PTPRK: variants seen among roughly 807,000 people sequenced by gnomAD.
The protein encoded by PTPRK is receptor-type tyrosine-protein phosphatase kappa.
A neutral mutation model predicts 178.0 loss-of-function variants in PTPRK; 75 were observed. The ratio of observed to expected loss-of-function variants is 0.42; its 90% CI spans 0.35 to 0.51. PTPRK has a LOEUF of 0.51. Ranked by LOEUF, PTPRK falls within the 20% of genes least tolerant of loss-of-function variation. The pLI, the probability that PTPRK is intolerant of heterozygous loss-of-function variation, is 0.02. For synonymous variants in PTPRK, 637 were observed against 620.6 expected (o/e 1.03, Z -0.39); for missense variants, 1,441 against 1,797.8 (o/e 0.80, Z 3.59).
rs143993983 is a variant in PTPRK at position 128,511,286 on chromosome 6, C to T, written c.100+8973G>A. Among the ~76,000 whole-genome samples the T allele has an allele frequency of 5.6e-3, 849 of 152,308 alleles. 7 individuals carry two copies. The highest frequency in any genetic ancestry group is 0.019 in the African/African-American group (808 of 41,560). ...ACAGAGAACAATCTGATCCTACTGT[C>T]TCTTCCCCATCATCTCCCATCTTCT... On this transcript the variant is annotated intron_variant, in intron 1 of 29. Coordinates refer to ENST00000368226, the MANE Select transcript of PTPRK (RefSeq NM_002844.4).
chr6:128,318,840 C>A (rs1460279727), intron 3 of PTPRK, among the ~76,000 whole-genome samples: 2 of 152,120 alleles, frequency 1.3e-5, no homozygotes, highest in African/African-American at 4.8e-5. Context: ...TAAGGATTTG[C>A]GGGATTTTCC....
chr6:128,469,302 C>A (rs1397444245), intron 1 of PTPRK, among the ~76,000 whole-genome samples: 2 of 152,138 alleles, frequency 1.3e-5, no homozygotes, highest in Non-Finnish European at 2.9e-5. Flanking sequence ...AAAGAATGCA[C>A]ACAAAGAGAG....
intron 1 of PTPRK, among the ~76,000 whole-genome samples, chr6:128,440,409 T>C (rs1846130209): frequency 2.6e-5 from 4 of 152,180 alleles, no homozygotes; most frequent in Admixed American, 2.6e-4. Flanking sequence ...TTCAGATGAG[T>C]GTTAGAAAGG....
intron 3 of PTPRK, among the ~76,000 whole-genome samples, chr6:128,297,005 G>A (rs1240856576): frequency 1.3e-5 from 2 of 151,384 alleles, no homozygotes; most frequent in Non-Finnish European, 2.9e-5. Flanking sequence ...ACACACATAG[G>A]CTCAAAATAA....
At chr6:128,132,203 G>A (rs543364331) in intron 7 of PTPRK, among the ~76,000 whole-genome samples, 79 of 152,182 alleles carry the variant, frequency 5.2e-4, no homozygotes, top group African/African-American at 1.8e-3. Context: ...TTGAGATGGA[G>A]TCTCACTGTC....
At chr6:128,103,732 C>A (rs1018448847) in intron 7 of PTPRK, among the ~76,000 whole-genome samples, 1 of 152,150 alleles carries the variant, frequency 6.6e-6, no homozygotes, top group Non-Finnish European at 1.5e-5. Flanking sequence ...TCCACCAATG[C>A]TATTTATTTC....
At position 128,498,290 on chromosome 6, in the gene PTPRK, G is replaced by A. The variant is rs567081738; in HGVS notation, c.100+21969C>T. 2.0e-5 allele frequency among the ~76,000 whole-genome samples: 3 copies of A among 152,280 alleles called. No individual in the cohort carries two copies. The South Asian group carries it at 6.2e-4, about 32-fold the overall frequency. ...AGGGGACTTTTCAGGCTTGCCCCTT[G>A]TTGATGCAGCCCAGAGAATCTACAT... On this transcript the variant is annotated intron_variant, in intron 1 of 29. Transcript: ENST00000368226.
At chr6:128,296,998 C>T (rs1469003438) in intron 3 of PTPRK, among the ~76,000 whole-genome samples, 5 of 151,628 alleles carry the variant, frequency 3.3e-5, no homozygotes, top group Admixed American at 1.3e-4. Flanking sequence ...TGCAGAGACA[C>T]ACATAGGCTC....
intron 2 of PTPRK, among the ~76,000 whole-genome samples, chr6:128,376,603 T>G (rs976722271): frequency 9.2e-5 from 14 of 152,252 alleles, no homozygotes; most frequent in Non-Finnish European, 1.6e-4. Flanking sequence ...CCTCATTACT[T>G]ATGCAAATTT....
At chr6:127,987,680 A>G (rs919005252) in intron 21 of PTPRK, among the ~76,000 whole-genome samples, 1 of 152,114 alleles carries the variant, frequency 6.6e-6, no homozygotes, top group Non-Finnish European at 1.5e-5. Context: ...GTAGTTACAC[A>G]GTTTATTCCT....
chr6:128,354,601 C>CT (rs1370596800), intron 2 of PTPRK, among the ~76,000 whole-genome samples: 2 of 152,050 alleles, frequency 1.3e-5, no homozygotes, highest in Non-Finnish European at 2.9e-5. Context: ...TTATTCATGT[C>CT]TTTTTTACCA....
In PTPRK at chr6:128,082,409, C is replaced by G. The variant is rs368471427; in HGVS notation, c.1777+28G>C. The G allele has an allele frequency of 7.2e-5, 112 of 1,554,186 alleles. 4 individuals carry two copies. The highest frequency in any genetic ancestry group is 5.2e-4 in the East Asian group (23 of 44,574). On this transcript the variant is annotated intron_variant, in intron 10 of 29. Transcript: ENST00000368226. ...ATTACAAACCAATGGCATAATCAAT[C>G]CTATTTGTAATTTATTCATTTGCAT...
At chr6:128,222,421 C>A (rs1234233412) in intron 5 of PTPRK, among the ~76,000 whole-genome samples, 1 of 152,124 alleles carries the variant, frequency 6.6e-6, no homozygotes, top group Non-Finnish European at 1.5e-5. Context: ...TCGCAGGGTG[C>A]CCACATATCA....
chr6:128,062,072 C>T (rs895696292), intron 13 of PTPRK: 1 of 152,200 alleles, frequency 6.6e-6, no homozygotes, highest in African/African-American at 2.4e-5. Flanking sequence ...AACGCCCTGT[C>T]AGAAAACTTT....
At chr6:128,437,064 G>T (rs1845691603) in intron 1 of PTPRK, among the ~76,000 whole-genome samples, 1 of 152,150 alleles carries the variant, frequency 6.6e-6, no homozygotes. Context: ...TTGAATGAAG[G>T]TGGGAAAAAG....
At chr6:128,078,780 T>G in intron 11 of PTPRK, 33 bp downstream of exon 11, 1 of 1,496,402 alleles carries the variant, frequency 6.7e-7, no homozygotes, top group Non-Finnish European at 9.3e-7. Context: ...TACCTGTGGA[T>G]AAGGCAGAAC....
At chr6:128,120,145 C>A (rs1792217026) in intron 7 of PTPRK, among the ~76,000 whole-genome samples, 1 of 151,834 alleles carries the variant, frequency 6.6e-6, no homozygotes, top group Non-Finnish European at 1.5e-5. Flanking sequence ...TAAACTTAAT[C>A]CTACTTTCAA....
intron 2 of PTPRK, among the ~76,000 whole-genome samples, chr6:128,326,624 AT>A (rs1203357008): frequency 7.2e-5 from 11 of 152,166 alleles, no homozygotes; most frequent in Non-Finnish European, 1.6e-4. Flanking sequence ...TGAAAAATAC[AT>A]ATTTGTGTTA....
At chr6:128,209,884 G>A (rs369795243) in intron 6 of PTPRK, among the ~76,000 whole-genome samples, 3 of 152,230 alleles carry the variant, frequency 2.0e-5, no homozygotes, top group African/African-American at 7.2e-5. Flanking sequence ...GGACTGAAGG[G>A]GGTGAGCCCA....
Sources: gnomAD v4.1 joint callset for allele counts (sites outside exome capture counted in the v4.1 genomes callset) on GRCh38, gnomAD v4.1.1 for gene constraint, MANE v1.5 for transcripts, NCBI Gene and HGNC (gene_info 2026-07-23, HGNC 2026-07-21) for gene names.